The following EXD2 variants were observed in gnomAD, a reference collection of about 807,000 sequenced individuals.
The protein encoded by EXD2 is exonuclease 3'-5' domain-containing protein 2.
A neutral mutation model predicts 62.5 loss-of-function variants in EXD2; 40 were observed. That is an observed-to-expected ratio of 0.64 (90% CI 0.50 to 0.83). The LOEUF (loss-of-function observed/expected upper bound fraction) is 0.83. EXD2 is among the 40% of genes least tolerant of loss of function. The pLI, the probability that EXD2 is intolerant of heterozygous loss-of-function variation, is 0.00. For missense variants in EXD2, 671 were observed against 761.8 expected, an observed-to-expected ratio of 0.88 and a Z score of 1.40; for synonymous variants, 239 against 291.9, an observed-to-expected ratio of 0.82 and a Z score of 1.85.
chr14:69,238,781 T>C (rs1464275833), intron 9 of EXD2, among the ~76,000 whole-genome samples: 1 of 152,010 alleles, frequency 6.6e-6, no homozygotes, highest in East Asian at 1.9e-4. Flanking sequence ...ACTACAAGCA[T>C]GCACCACCAC....
intron 1 of EXD2, chr14:69,192,237 T>C (rs953315161): frequency 5.3e-5 from 8 of 152,218 alleles, no homozygotes; most frequent in African/African-American, 1.4e-4. Context: ...TTTGATATGA[T>C]TCCAACATTC....
At chr14:69,223,486 C>T (rs959131567) in intron 3 of EXD2, among the ~76,000 whole-genome samples, 2 of 152,158 alleles carry the variant, frequency 1.3e-5, no homozygotes, top group Non-Finnish European at 2.9e-5. Flanking sequence ...TGTTAAATTT[C>T]TTTAATGGCA....
intron 1 of EXD2, chr14:69,195,947 G>T (rs1000130300): frequency 2.6e-5 from 4 of 152,194 alleles, no homozygotes; most frequent in African/African-American, 7.2e-5. Context: ...AACAACAGAG[G>T]TTTATTCTCT....
intron 5 of EXD2, among the ~76,000 whole-genome samples, chr14:69,232,514 AGTGTATGAGGG>A (rs1157852888): frequency 2.4e-4 from 36 of 152,132 alleles, no homozygotes; most frequent in African/African-American, 8.4e-4. Context: ...TCCCACCAGC[AGTGTATGAGGG>A]TGTCGGGGTT....
At chr14:69,233,729 C>T (rs1435006615) in intron 5 of EXD2, among the ~76,000 whole-genome samples, 1 of 151,566 alleles carries the variant, frequency 6.6e-6, no homozygotes, top group African/African-American at 2.4e-5. Flanking sequence ...GCGTGAGCCA[C>T]CACACCCAGC....
intron 2 of EXD2, among the ~76,000 whole-genome samples, chr14:69,206,455 C>CTTTTTTT (rs56333403): frequency 1.6e-4 from 15 of 94,664 alleles, no homozygotes; most frequent in African/African-American, 6.3e-4. Context: ...CACCCACCCA[C>CTTTTTTT]TTTTTTTTTT....
At chr14:69,210,955 T>C (rs2042785258) in intron 3 of EXD2, among the ~76,000 whole-genome samples, 1 of 152,234 alleles carries the variant, frequency 6.6e-6, no homozygotes, top group African/African-American at 2.4e-5. Context: ...ATCTTTTTGC[T>C]GGTGGAGGGT....
chr14:69,226,492 A>C (rs984447758), intron 3 of EXD2, among the ~76,000 whole-genome samples: 1 of 152,238 alleles, frequency 6.6e-6, no homozygotes, highest in Non-Finnish European at 1.5e-5. Context: ...TCACGCCTGT[A>C]ATCACAGCAC....
intron 1 of EXD2, among the ~76,000 whole-genome samples, chr14:69,193,839 T>C (rs543350603): frequency 1.2e-4 from 18 of 152,280 alleles, no homozygotes; most frequent in African/African-American, 4.3e-4. Context: ...CATTTTTTGT[T>C]TGTTCCACTA....
chr14:69,237,520 C>G (rs374398561), intron 8 of EXD2, 55 bp from the exon 9 acceptor site: 4 of 1,545,108 alleles, frequency 2.6e-6, no homozygotes, highest in South Asian at 1.1e-5. Context: ...TGCTGTCTTC[C>G]CATGTGCTCT....
At chr14:69,228,684 A>C (rs564120589) in intron 3 of EXD2, 132 bp from the exon 4 acceptor site, 8 of 1,224,548 alleles carry the variant, frequency 6.5e-6, no homozygotes, top group Non-Finnish European at 7.9e-6. Context: ...CTGTAGATGC[A>C]AACCAAAACC....
At chr14:69,217,992 C>T (rs1051022054) in intron 3 of EXD2, among the ~76,000 whole-genome samples, 1 of 152,190 alleles carries the variant, frequency 6.6e-6, no homozygotes, top group African/African-American at 2.4e-5. Flanking sequence ...CCACAATAAA[C>T]ATACGTGTGC....
intron 1 of EXD2, among the ~76,000 whole-genome samples, chr14:69,195,216 C>CAA (rs78718494): frequency 9.0e-5 from 6 of 66,336 alleles, no homozygotes; most frequent in South Asian, 8.3e-4. Flanking sequence ...GACTCTGTCT[C>CAA]AAAAAAAAAA....
At chr14:69,237,114 T>C (rs1396883143) in intron 8 of EXD2, among the ~76,000 whole-genome samples, 1 of 152,228 alleles carries the variant, frequency 6.6e-6, no homozygotes, top group Non-Finnish European at 1.5e-5. Flanking sequence ...GAGAGCTTAG[T>C]TCTCCTTAGA....
intron 1 of EXD2, among the ~76,000 whole-genome samples, chr14:69,197,492 A>T (rs1594718537): frequency 6.6e-6 from 1 of 151,974 alleles, no homozygotes; most frequent in Middle Eastern, 3.4e-3. Context: ...TACATGGGTA[A>T]CATGTTATGC....
chr14:69,213,193 C>G (rs557393546), intron 3 of EXD2, among the ~76,000 whole-genome samples: 1 of 150,136 alleles, frequency 6.7e-6, no homozygotes, highest in African/African-American at 2.4e-5. Flanking sequence ...AAGTAATCCT[C>G]CCTCCTGAGT....
intron 6 of EXD2, chr14:69,235,739 C>G: frequency 2.7e-6 from 1 of 372,774 alleles, no homozygotes; most frequent in Non-Finnish European, 5.0e-6. Context: ...TGGCAGTTTT[C>G]TTGTTGCTTG....
intron 5 of EXD2, among the ~76,000 whole-genome samples, chr14:69,233,516 TCCTGGGTTCAAGC>T (rs1321931139): frequency 6.6e-6 from 1 of 152,088 alleles, no homozygotes; most frequent in Admixed American, 6.5e-5. Flanking sequence ...AACTTCTGCC[TCCTGGGTTCAAGC>T]CCCAGGTTCA....
chr14:69,214,408 C>G, intron 3 of EXD2, among the ~76,000 whole-genome samples: 1 of 152,156 alleles, frequency 6.6e-6, no homozygotes. Context: ...TCTCTAGATT[C>G]ATTATATACG....
Sources: allele counts gnomAD v4.1 joint callset (sites outside exome capture counted in the v4.1 genomes callset), GRCh38; gene constraint gnomAD v4.1.1; transcripts MANE v1.5; gene names NCBI Gene and HGNC (gene_info 2026-07-23, HGNC 2026-07-21).